The following NPEPL1 variants were observed in gnomAD, a reference collection of about 807,000 sequenced individuals.
The protein encoded by NPEPL1 is aminopeptidase like 1.
In NPEPL1, 45 loss-of-function variants were observed where a neutral mutation model predicts 52.4. That is an observed-to-expected ratio of 0.86 (90% CI 0.68 to 1.10). The LOEUF is 1.10. NPEPL1 is among the 50% of genes least tolerant of loss of function. NPEPL1 has a pLI of 0.00. For synonymous variants in NPEPL1, 360 were observed against 314.7 expected (o/e 1.14, Z -1.52); for missense variants, 696 against 710.9 (o/e 0.98, Z 0.24).
Position 58,694,524 on chromosome 20 carries a change from A to G in NPEPL1, c.439A>G (p.Lys147Glu). The G allele has an allele frequency of 6.2e-7, 1 of 1,613,984 alleles. No homozygotes were observed. Among genetic ancestry groups the G allele is most frequent in the Non-Finnish European group, 8.5e-7 (1 of 1,179,878 alleles). Residue 147 changes from lysine to glutamate, a missense_variant, in exon 3 of 12, where the codon AAG (lysine) becomes GAG (glutamate). Coordinates refer to ENST00000356091, the MANE Select transcript of NPEPL1 (RefSeq NM_024663.4). ...RSGASRRLEK[K>E]TVTVEFFLVG... ...AGGTGCCTCTCGGCGCTTGGAGAAG[A>G]AGACGGTCACCGTGGAGTTTTTCCT...
upstream of NPEPL1, among the ~76,000 whole-genome samples, chr20:58,689,822 AACACAC>A (rs35608871): frequency 4.2e-3 from 630 of 150,752 alleles, 6 homozygotes; most frequent in Middle Eastern, 0.014. Flanking sequence ...CACATGCACA[AACACAC>A]ACACACACAC....
intron 7 of NPEPL1, 37 bp from the exon 8 acceptor site, chr20:58,712,442 A>G: frequency 7.0e-7 from 1 of 1,421,806 alleles, no homozygotes; most frequent in Non-Finnish European, 9.9e-7. Context: ...CAAACCTATG[A>G]CCTACAACTG....
At position 58,692,940 on chromosome 20, in the gene NPEPL1, G is replaced by C. The variant is rs1416031128; in HGVS notation, c.40G>C (p.Asp14His). 1 of 1,156,210 alleles carries C rather than the reference G, an allele frequency of 8.6e-7. No homozygotes were observed. The highest frequency in any genetic ancestry group is 1.1e-6 in the Non-Finnish European group (1 of 923,858). The allele number at this position is 1,156,210 out of a possible 1,614,324, so 71.6% of individuals were successfully genotyped here. ...VGLQFQASAGDSDPQSRPLLL... is the reference protein window; with the variant it reads ...VGLQFQASAGHSDPQSRPLLL... ...GCTGCAGTTCCAGGCGAGCGCGGGG[G>C]ACTCGGACCCACAGAGCCGGCCCCT... The change falls in exon 1 of 12, where the codon GAC becomes CAC. Residue 14 changes from aspartate (D) to histidine (H), a missense_variant. Transcript: ENST00000356091. The surrounding 1 kb of genome is among the most constrained non-coding windows in gnomAD (Gnocchi z 5.7).
At chr20:58,711,122 T>TCCTCCTCCTCCCCCTC (rs1555851564) in intron 7 of NPEPL1, 1 of 46,128 alleles carries the variant, frequency 2.2e-5, no homozygotes, top group Non-Finnish European at 3.9e-5. Flanking sequence ...CTCCTCCCCC[T>TCCTCCTCCTCCCCCTC]CTCCTCCTCC....
In NPEPL1 at chr20:58,693,245, G is replaced by C. The variant is rs1299372912; in HGVS notation, c.150+195G>C. On this transcript the variant is annotated intron_variant, in intron 1 of 11. Coordinates refer to ENST00000356091, the MANE Select transcript of NPEPL1 (RefSeq NM_024663.4). ...AGGCCCAGCCCCAGGCCCCGTCGCCGGTGCGGCGCGGTGGTCCTCCTGTCA... is the reference window on the plus strand; with the variant it reads ...AGGCCCAGCCCCAGGCCCCGTCGCCCGTGCGGCGCGGTGGTCCTCCTGTCA... 6 of 234,538 alleles carry C rather than the reference G, an allele frequency of 2.6e-5. No homozygotes were observed. The East Asian group carries it at 5.4e-4, about 21-fold the overall frequency. 14.5% of individuals were successfully genotyped at this position (234,538 alleles called of 1,614,324 possible). A position where few individuals can be genotyped will look rare whatever the true frequency, so the allele number is the denominator to read the frequency against.
At chr20:58,703,553 G>C in intron 6 of NPEPL1, 1 of 985,324 alleles carries the variant, frequency 1.0e-6, no homozygotes, top group Non-Finnish European at 1.2e-6. Flanking sequence ...CCTTGGATCA[G>C]ATGCTTGTTT....
In NPEPL1 at chr20:58,692,918, GC is replaced by G; in HGVS notation, c.19del (p.Gln7SerfsTer50). 1 of 1,099,476 alleles carries G rather than the reference GC, an allele frequency of 9.1e-7. No individual in the cohort carries two copies. The highest frequency in any genetic ancestry group is 1.1e-6 in the Non-Finnish European group (1 of 896,608). The allele number at this position is 1,099,476 out of a possible 1,614,324, so 68.1% of individuals were successfully genotyped here. On this transcript the variant is annotated frameshift_variant, in exon 1 of 12. Transcript: ENST00000356091. LOFTEE classifies it high-confidence loss of function. This position sits in a 1 kb window ranked among gnomAD's most constrained non-coding sequence, Gnocchi z 5.7. ...GCAGGAAGATGGCGAACGTGGGGCT[GC>G]AGTTCCAGGCGAGCGCGGGGGACTC... MANVGL[Q>X]FQASAGDSDP...
At chr20:58,701,996 A>G (rs2084636040) in intron 6 of NPEPL1, among the ~76,000 whole-genome samples, 1 of 152,152 alleles carries the variant, frequency 6.6e-6, no homozygotes, top group South Asian at 2.1e-4. Flanking sequence ...CCGTGTGAGC[A>G]GCCTCTGTGC....
chr20:58,705,127 C>T (rs1027462783), intron 6 of NPEPL1, among the ~76,000 whole-genome samples: 1 of 152,156 alleles, frequency 6.6e-6, no homozygotes, highest in Non-Finnish European at 1.5e-5. Flanking sequence ...TGCTTAAAAG[C>T]TCAAATGTAT....
chr20:58,703,431 C>A (rs2084673890), intron 6 of NPEPL1: 1 of 978,972 alleles, frequency 1.0e-6, no homozygotes, highest in Non-Finnish European at 1.2e-6. Context: ...TAGTGCACCC[C>A]CTACTGCCTG....
At chr20:58,709,173 C>T (rs1460844631) in intron 7 of NPEPL1, among the ~76,000 whole-genome samples, 1 of 151,736 alleles carries the variant, frequency 6.6e-6, no homozygotes. Context: ...GAGGACACCC[C>T]ACCCCCACTC....
At chr20:58,691,890 C>T (rs952760811), upstream of NPEPL1, 35 of 1,047,122 alleles carry the variant, frequency 3.3e-5, no homozygotes, top group South Asian at 4.2e-4. Context: ...CATCGTCATT[C>T]CCTGACCCTT....
intron 8 of NPEPL1, chr20:58,712,891 T>C (rs1279714002): frequency 2.3e-6 from 1 of 438,366 alleles, no homozygotes; most frequent in Non-Finnish European, 4.3e-6. Flanking sequence ...TGTGTGAAGC[T>C]CTGACCCCCA....
intron 6 of NPEPL1, chr20:58,703,988 T>A: frequency 1.0e-6 from 1 of 985,430 alleles, no homozygotes; most frequent in Non-Finnish European, 1.2e-6. Flanking sequence ...TTTTTTATTT[T>A]AAACCAGCCC....
rs1185582135 is a variant in NPEPL1, at chr20:58,714,543, C to T, written c.1303-17C>T. The T allele has an allele frequency of 6.5e-7, 1 of 1,547,590 alleles. No individual in the cohort carries two copies. The highest frequency in any genetic ancestry group is 1.9e-5 in the Admixed American group (1 of 53,296). On this transcript the variant is annotated splice_polypyrimidine_tract_variant and intron_variant, in intron 10 of 11. Transcript: ENST00000356091. ...CCGGAGCAACCCACAGGCACTGTGT[C>T]CTCCTGGCCTCCCTAGGACCGAGAC...
rs878918222 is a variant in NPEPL1, at chr20:58,714,190, G to GC, written c.1302+103dup. 4.5e-5 allele frequency: 63 copies of GC among 1,408,926 alleles called. No homozygotes were observed. In the South Asian group the frequency reaches 8.7e-4, roughly 20 times the overall value. 87.3% of individuals were successfully genotyped at this position (1,408,926 alleles called of 1,614,324 possible). On this transcript the variant is annotated intron_variant, in intron 10 of 11. Coordinates refer to ENST00000356091, the MANE Select transcript of NPEPL1 (RefSeq NM_024663.4). ...GTGCTGGTGCACCCAGGGAGCTGGG[G>GC]CCCCCCAGAAGCAGCCACAGTGCAG... is the stretch of plus-strand genomic sequence containing the variant.
chr20:58,713,390 C>A lies in NPEPL1; in HGVS notation c.1002-30C>A, dbSNP rs374402762. On this transcript the variant is annotated intron_variant, in intron 8 of 11. Transcript: ENST00000356091. This position sits in a 1 kb window ranked among gnomAD's most constrained non-coding sequence, Gnocchi z 4.6. ...ATGCCAGTGTCCCAGGAAATCCCGTCCCTGAGCGGGGATCTCTACCATGCC... is the reference window on the plus strand; with the variant it reads ...ATGCCAGTGTCCCAGGAAATCCCGTACCTGAGCGGGGATCTCTACCATGCC... 5.7e-6 allele frequency: 9 copies of A among 1,567,718 alleles called. No homozygotes were observed. The Admixed American group carries it at 1.1e-4, about 19-fold the overall frequency.
At chr20:58,697,230 G>T (rs2084511813) in intron 3 of NPEPL1, among the ~76,000 whole-genome samples, 1 of 152,240 alleles carries the variant, frequency 6.6e-6, no homozygotes, top group South Asian at 2.1e-4. Context: ...ATGGCTGTGT[G>T]TTGGTGGAGG....
chr20:58,704,396 A>C (rs931738168), intron 6 of NPEPL1: 1 of 984,764 alleles, frequency 1.0e-6, no homozygotes, highest in Admixed American at 6.1e-5. Context: ...GCTCTTAACA[A>C]GTACCGACCC....
Sources: allele counts gnomAD v4.1 joint callset (sites outside exome capture counted in the v4.1 genomes callset), GRCh38; gene constraint gnomAD v4.1.1; non-coding constraint Gnocchi (gnomAD v3.1); transcripts MANE v1.5; gene names NCBI Gene and HGNC (gene_info 2026-07-23, HGNC 2026-07-21).